The following PSTPIP2 variants were observed in gnomAD, a reference collection of about 807,000 sequenced individuals.
PSTPIP2 encodes the protein proline-serine-threonine phosphatase-interacting protein 2.
In PSTPIP2, 33 loss-of-function variants were observed where a neutral mutation model predicts 63.3. The observed-to-expected ratio is 0.52, with a 90% confidence interval of 0.40 to 0.70. PSTPIP2 has a LOEUF of 0.70. Ranked by LOEUF, PSTPIP2 falls within the 30% of genes least tolerant of loss-of-function variation. The pLI, the probability that PSTPIP2 is intolerant of heterozygous loss-of-function variation, is 0.00. For missense variants in PSTPIP2, 312 were observed against 400.7 expected (o/e 0.78, Z 1.89); for synonymous variants, 125 against 132.7 (o/e 0.94, Z 0.40).
intron 9 of PSTPIP2, among the ~76,000 whole-genome samples, chr18:45,996,026 G>A (rs1448113857): frequency 6.6e-6 from 1 of 152,176 alleles, no homozygotes. Context: ...ATGTTGTCCA[G>A]ACTGGTCTTG....
intron 3 of PSTPIP2, among the ~76,000 whole-genome samples, chr18:46,018,532 C>G (rs1225067615): frequency 2.6e-5 from 4 of 152,094 alleles, no homozygotes; most frequent in Non-Finnish European, 4.4e-5. Context: ...CCACGCCCAG[C>G]TAATTTTTGT....
chr18:45,993,852 C>G, intron 9 of PSTPIP2, 149 bp from the exon 10 acceptor site: 1 of 642,934 alleles, frequency 1.6e-6, no homozygotes, highest in Admixed American at 2.5e-5. Context: ...ACTGAGGAAA[C>G]TCATAAACTC....
rs113624895 is a variant in PSTPIP2, at chr18:46,000,396, T to C, written c.418-862A>G. ...TTTATTTATTTATTGAGACAGAGTC[T>C]AGCTTTGTCACACAAGCAGGAGTGC... On this transcript the variant is annotated intron_variant, in intron 6 of 14. Transcript: ENST00000409746. 3.2e-3 allele frequency among the ~76,000 whole-genome samples: 483 copies of C among 152,294 alleles called. 4 individuals carry two copies. The highest frequency in any genetic ancestry group is 0.014 in the Middle Eastern group (4 of 294).
intron 5 of PSTPIP2, among the ~76,000 whole-genome samples, chr18:46,006,785 A>C (rs1316309741): frequency 6.6e-6 from 1 of 152,202 alleles, no homozygotes; most frequent in African/African-American, 2.4e-5. Context: ...TGGTGTTAAT[A>C]ATAAAGATGT....
chr18:45,995,429 G>T (rs1420173018), intron 9 of PSTPIP2, among the ~76,000 whole-genome samples: 1 of 152,136 alleles, frequency 6.6e-6, no homozygotes, highest in Non-Finnish European at 1.5e-5. Context: ...CACTATATAT[G>T]TATCTGTATA....
intron 1 of PSTPIP2, among the ~76,000 whole-genome samples, chr18:46,047,056 A>G (rs1258942357): frequency 2.0e-5 from 3 of 152,234 alleles, no homozygotes; most frequent in Non-Finnish European, 4.4e-5. Flanking sequence ...CACTGCTTCC[A>G]ACCACTATGA....
intron 1 of PSTPIP2, among the ~76,000 whole-genome samples, chr18:46,061,445 T>G (rs761461558): frequency 5.9e-4 from 90 of 152,132 alleles, no homozygotes; most frequent in Non-Finnish European, 1.1e-3. Flanking sequence ...AGGTCCCTTA[T>G]CCACAAACTT....
intron 2 of PSTPIP2, chr18:46,028,662 G>C (rs1907680758): frequency 3.5e-6 from 3 of 848,950 alleles, no homozygotes; most frequent in African/African-American, 3.3e-5. Context: ...TGAGGAAATG[G>C]TTGACATGAT....
chr18:46,036,239 TAAAC>T (rs1907975557), intron 2 of PSTPIP2, among the ~76,000 whole-genome samples: 1 of 151,406 alleles, frequency 6.6e-6, no homozygotes, highest in Non-Finnish European at 1.5e-5. Flanking sequence ...GTAGTAGTTA[TAAAC>T]AATTATTGTA....
At chr18:46,023,034 T>C (rs995569122) in intron 3 of PSTPIP2, among the ~76,000 whole-genome samples, 2 of 152,116 alleles carry the variant, frequency 1.3e-5, no homozygotes, top group East Asian at 1.9e-4. Context: ...AAATACTACA[T>C]GTTCTCACTT....
intron 1 of PSTPIP2, among the ~76,000 whole-genome samples, chr18:46,065,144 CAAAAAAA>C (rs35144990): frequency 1.7e-4 from 14 of 80,798 alleles, no homozygotes; most frequent in African/African-American, 5.7e-4. Context: ...AACTCTGTCT[CAAAAAAA>C]AAAAAAAAAA....
chr18:46,002,127 C>T lies in PSTPIP2; in HGVS notation c.418-2593G>A, dbSNP rs551880129. On this transcript the variant is annotated intron_variant, in intron 6 of 14. Transcript: ENST00000409746. ...TCATTGGTTTTCCCTTTTAGGTTTT[C>T]CCTTTTAGTGAAGGTGTCATTTCTC... Among the ~76,000 whole-genome samples, 131 of 152,242 alleles carry T rather than the reference C, an allele frequency of 8.6e-4. 1 individual carries two copies. The Middle Eastern group carries it at 0.01, about 12-fold the overall frequency.
At position 45,995,259 on chromosome 18, in the gene PSTPIP2, G is replaced by C. The variant is rs140004857; in HGVS notation, c.643-1556C>G. Among the ~76,000 whole-genome samples the C allele has an allele frequency of 2.0e-5, 3 of 151,934 alleles. No homozygotes were observed. In the East Asian group the frequency reaches 5.8e-4, roughly 29 times the overall value. Reference sequence around the variant, plus strand: ...GTTCCCAAGTAGCCTCTACCACCATGCCCGGCTAATTTTTATATTTCTTTG... The same window carrying C: ...GTTCCCAAGTAGCCTCTACCACCATCCCCGGCTAATTTTTATATTTCTTTG... On this transcript the variant is annotated intron_variant, in intron 9 of 14. Coordinates refer to ENST00000409746, the MANE Select transcript of PSTPIP2 (RefSeq NM_024430.4).
intron 1 of PSTPIP2, among the ~76,000 whole-genome samples, chr18:46,057,859 G>A (rs1262484084): frequency 6.6e-6 from 1 of 151,694 alleles, no homozygotes; most frequent in Non-Finnish European, 1.5e-5. Context: ...TTAGCCGGGC[G>A]TGGTGGCGGG....
At chr18:46,029,596 A>G in intron 2 of PSTPIP2, 2 of 773,202 alleles carry the variant, frequency 2.6e-6, no homozygotes, top group East Asian at 4.9e-5. Flanking sequence ...CCCAAAGCCA[A>G]TGAAAGCTAT....
At position 46,040,024 on chromosome 18, in the gene PSTPIP2, G is replaced by T; in HGVS notation, c.57C>A (p.Ile19=). Residue 19 remains isoleucine (I), a synonymous_variant, in exon 2 of 15, where the codon ATC becomes ATA. Transcript: ENST00000409746. ...GATGTTGGATAATGTTGTCATAGCC[G>T]ATGGTGCTGAGGATGTCTGCACTCT... ...NFWSADILST[I]GYDNIIQHLN... is the part of the protein sequence containing the mutation. 2 of 1,611,074 alleles carry T rather than the reference G, an allele frequency of 1.2e-6. No homozygotes were observed. Among genetic ancestry groups the T allele is most frequent in the Non-Finnish European group, 1.7e-6 (2 of 1,178,334 alleles).
chr18:46,048,756 T>G (rs374052872), intron 1 of PSTPIP2, among the ~76,000 whole-genome samples: 1 of 152,336 alleles, frequency 6.6e-6, no homozygotes, highest in East Asian at 1.9e-4. Flanking sequence ...AAATGCCATG[T>G]GGAATCCTGA....
At chr18:46,049,281 A>T (rs1328383546) in intron 1 of PSTPIP2, among the ~76,000 whole-genome samples, 1 of 152,076 alleles carries the variant, frequency 6.6e-6, no homozygotes, top group African/African-American at 2.4e-5. Context: ...GGACACATAG[A>T]GGGGAGCCAC....
intron 5 of PSTPIP2, among the ~76,000 whole-genome samples, chr18:46,008,923 C>T (rs767626643): frequency 5.9e-5 from 9 of 152,156 alleles, no homozygotes; most frequent in Non-Finnish European, 1.0e-4. Flanking sequence ...CAGCCTTTCA[C>T]CCCACTGGTT....
Sources: gnomAD v4.1 joint callset for allele counts (sites outside exome capture counted in the v4.1 genomes callset) on GRCh38, gnomAD v4.1.1 for gene constraint, MANE v1.5 for transcripts, NCBI Gene and HGNC (gene_info 2026-07-23, HGNC 2026-07-21) for gene names.